The following STARD9 variants were observed in gnomAD, a reference collection of about 807,000 sequenced individuals.
STARD9 encodes the protein stAR-related lipid transfer protein 9.
STARD9 carries 346 observed loss-of-function variants against 399.8 expected under a neutral mutation model. The ratio of observed to expected loss-of-function variants is 0.87; its 90% CI spans 0.79 to 0.95. The LOEUF (loss-of-function observed/expected upper bound fraction) is 0.95. Among genes scored for constraint, STARD9 ranks in the 40% least tolerant of loss-of-function variants. The probability of loss-of-function intolerance (pLI) is 0.00; values close to 1 mark genes in which losing one functional copy is unlikely to be tolerated. For missense variants in STARD9, 5,832 were observed against 5,667.5 expected, an observed-to-expected ratio of 1.03 and a Z score of -0.93; for synonymous variants, 2,203 against 2,143.5, an observed-to-expected ratio of 1.03 and a Z score of -0.77.
intron 3 of STARD9, among the ~76,000 whole-genome samples, chr15:42,605,906 T>C (rs2058714219): frequency 6.6e-6 from 1 of 152,228 alleles, no homozygotes; most frequent in Admixed American, 6.5e-5. Flanking sequence ...CATGTCGTGG[T>C]CTCTGGCTGG....
intron 9 of STARD9, among the ~76,000 whole-genome samples, chr15:42,655,121 A>G (rs938923880): frequency 2.6e-5 from 4 of 152,158 alleles, no homozygotes; most frequent in African/African-American, 9.7e-5. Flanking sequence ...TCTCTACTAA[A>G]AATAGAAAAA....
chr15:42,613,477 T>C (rs1199997660), intron 3 of STARD9, among the ~76,000 whole-genome samples: 1 of 152,214 alleles, frequency 6.6e-6, no homozygotes, highest in Non-Finnish European at 1.5e-5. Flanking sequence ...CCCAGATTCA[T>C]AATTTACTGG....
chr15:42,591,480 T>C (rs2058392140), intron 3 of STARD9, among the ~76,000 whole-genome samples: 1 of 146,750 alleles, frequency 6.8e-6, no homozygotes, highest in African/African-American at 2.6e-5. Context: ...AGAGCAAGAG[T>C]CCATCTTAAA....
At chr15:42,674,174 T>C (rs2060261800) in intron 16 of STARD9, among the ~76,000 whole-genome samples, 1 of 152,238 alleles carries the variant, frequency 6.6e-6, no homozygotes, top group Non-Finnish European at 1.5e-5. Context: ...CCACACTTGC[T>C]GGACTTTGCA....
intron 26 of STARD9, among the ~76,000 whole-genome samples, chr15:42,705,983 C>A (rs1566961630): frequency 3.9e-5 from 6 of 152,106 alleles, no homozygotes; most frequent in Admixed American, 3.9e-4. Flanking sequence ...AAACTCCTAA[C>A]CTCGAGTGAT....
chr15:42,633,956 A>C (rs1449035149), intron 3 of STARD9, among the ~76,000 whole-genome samples: 3 of 151,718 alleles, frequency 2.0e-5, no homozygotes, highest in Non-Finnish European at 4.4e-5. Context: ...GTCTGGCCTC[A>C]TTTCATGTGC....
intron 3 of STARD9, among the ~76,000 whole-genome samples, chr15:42,623,468 G>A (rs1300397597): frequency 6.6e-6 from 1 of 152,128 alleles, no homozygotes; most frequent in African/African-American, 2.4e-5. Flanking sequence ...GTGTTTGAAA[G>A]GTTTTTCAAA....
chr15:42,620,259 A>G (rs931132030), intron 3 of STARD9, among the ~76,000 whole-genome samples: 3 of 151,414 alleles, frequency 2.0e-5, no homozygotes, highest in Non-Finnish European at 4.4e-5. Flanking sequence ...CTGAATATAC[A>G]CTCCAATTAG....
Position 42,687,852 on chromosome 15 carries a change from C to T in STARD9, c.6274C>T (p.Gln2092Ter), listed in dbSNP as rs201773846. The T allele has an allele frequency of 1.0e-5, 16 of 1,537,170 alleles. No homozygotes were observed. The highest frequency in any genetic ancestry group is 1.4e-5 in the Non-Finnish European group (16 of 1,146,988). ...GTTGGTGTTCCAGGACCAGAAGGAG[C>T]AGGAGAAGACTGACCATGCCTTTAG... ...KELVFQDQKE[Q>*]EKTDHAFRPD... Residue 2092 changes from glutamine to a stop codon, truncating the protein, a stop_gained, in exon 23 of 33, where the codon CAG (glutamine) becomes TAG (stop). Transcript: ENST00000290607. LOFTEE classifies it high-confidence loss of function.
rs1595668984 is a variant in STARD9 at position 42,628,606 on chromosome 15, A to G, written c.235-6250A>G. Reference sequence around the variant, plus strand: ...TAATCCATTTTGATTTGATTTTTATATAAGGTGAGAGATAGGGGTCAAGTT... The same window carrying G: ...TAATCCATTTTGATTTGATTTTTATGTAAGGTGAGAGATAGGGGTCAAGTT... On this transcript the variant is annotated intron_variant, in intron 3 of 32. Transcript: ENST00000290607. Among the ~76,000 whole-genome samples, 6 of 152,318 alleles carry G rather than the reference A, an allele frequency of 3.9e-5. 1 individual carries two copies.
chr15:42,650,040 A>G (rs1247658819), intron 7 of STARD9, among the ~76,000 whole-genome samples: 1 of 150,978 alleles, frequency 6.6e-6, no homozygotes, highest in Non-Finnish European at 1.5e-5. Context: ...CTAATTTTGC[A>G]TTTTTAGCAG....
intron 28 of STARD9, 89 bp downstream of exon 28, chr15:42,717,137 C>T (rs2061365623): frequency 2.8e-6 from 4 of 1,431,418 alleles, no homozygotes; most frequent in Non-Finnish European, 1.9e-6. Context: ...AAAAGCTGGG[C>T]AGATGAGGAG....
In STARD9 at chr15:42,583,303, T is replaced by C. The variant is rs569786942; in HGVS notation, c.48-43T>C. 4.7e-4 allele frequency: 684 copies of C among 1,470,774 alleles called. 3 individuals carry two copies. The highest frequency in any genetic ancestry group is 2.4e-3 in the South Asian group (196 of 81,310). The allele number at this position is 1,470,774 out of a possible 1,614,324, so 91.1% of individuals were successfully genotyped here. On this transcript the variant is annotated intron_variant, in intron 1 of 32. Transcript: ENST00000290607. ...CTGGTTTTAGGCTCTTTTTTCTTGATTTTAAAAACAACATTTCTTCTGAGC... is the reference window on the plus strand; with the variant it reads ...CTGGTTTTAGGCTCTTTTTTCTTGACTTTAAAAACAACATTTCTTCTGAGC...
At chr15:42,619,705 A>C (rs2059047494) in intron 3 of STARD9, among the ~76,000 whole-genome samples, 1 of 152,198 alleles carries the variant, frequency 6.6e-6, no homozygotes, top group Non-Finnish European at 1.5e-5. Flanking sequence ...GCAATGGGAG[A>C]GTAGCTGTAA....
At position 42,688,028 on chromosome 15, in the gene STARD9, C is replaced by G. The variant is rs761074131; in HGVS notation, c.6450C>G (p.Asn2150Lys). 14 of 1,537,348 alleles carry G rather than the reference C, an allele frequency of 9.1e-6. No individual in the cohort carries two copies. The highest frequency in any genetic ancestry group is 1.4e-5 in the African/African-American group (1 of 73,036). ...NHPQVQKITPNPFRSREGVRE... is the reference protein window; with the variant it reads ...NHPQVQKITPKPFRSREGVRE... Reference sequence around the variant, plus strand: ...CCCAGGTCCAGAAAATCACCCCAAACCCCTTCAGGTCAAGGGAAGGTGTAC... The same window carrying G: ...CCCAGGTCCAGAAAATCACCCCAAAGCCCTTCAGGTCAAGGGAAGGTGTAC... Residue 2150 changes from asparagine (N) to lysine (K), a missense_variant, in exon 23 of 33, where the codon AAC (asparagine) becomes AAG (lysine). By Grantham distance (94) the Asn-to-Lys change is moderately conservative. Transcript: ENST00000290607.
chr15:42,593,376 C>T lies in STARD9; in HGVS notation c.234+7739C>T, dbSNP rs558437425. On this transcript the variant is annotated intron_variant, in intron 3 of 32. Transcript: ENST00000290607. Reference sequence around the variant, plus strand: ...CATGAGGAGTATTAGCTCAGCTTTACCCACCAGGGCCTGAAAGTGGCTGTT... The same window carrying T: ...CATGAGGAGTATTAGCTCAGCTTTATCCACCAGGGCCTGAAAGTGGCTGTT... Among the ~76,000 whole-genome samples, 11 of 152,264 alleles carry T rather than the reference C, an allele frequency of 7.2e-5. No individual in the cohort carries two copies. In the East Asian group the frequency reaches 2.1e-3, roughly 29 times the overall value.
intron 7 of STARD9, among the ~76,000 whole-genome samples, chr15:42,644,772 A>G (rs997400890): frequency 2.0e-5 from 3 of 152,228 alleles, no homozygotes; most frequent in Non-Finnish European, 2.9e-5. Flanking sequence ...TTTTACTCAC[A>G]ATAGAACTTA....
intron 3 of STARD9, among the ~76,000 whole-genome samples, chr15:42,592,863 A>G (rs1369916818): frequency 6.6e-6 from 1 of 152,166 alleles, no homozygotes; most frequent in African/African-American, 2.4e-5. Flanking sequence ...TCTGGCTTGA[A>G]TCTGTATTAA....
chr15:42,638,274 C>T (rs1004195987), intron 6 of STARD9, 187 bp downstream of exon 6: 11 of 623,922 alleles, frequency 1.8e-5, no homozygotes, highest in Non-Finnish European at 3.1e-5. Context: ...ACTTAATTTC[C>T]TACCCATAGA....
Sources: allele counts gnomAD v4.1 joint callset (sites outside exome capture counted in the v4.1 genomes callset), GRCh38; gene constraint gnomAD v4.1.1; transcripts MANE v1.5; gene names NCBI Gene and HGNC (gene_info 2026-07-23, HGNC 2026-07-21).